MEMO1: variants seen among roughly 807,000 people sequenced by gnomAD.
MEMO1 encodes the protein mediator of cell motility 1, also known as protein MEMO1.
A neutral mutation model predicts 45.2 loss-of-function variants in MEMO1; 6 were observed. The ratio of observed to expected loss-of-function variants is 0.13; its 90% CI spans 0.07 to 0.26. The LOEUF is 0.26. Among genes scored for constraint, MEMO1 ranks in the 10% least tolerant of loss-of-function variants. MEMO1 has a pLI of 1.00. For missense variants in MEMO1, 184 were observed against 370.5 expected (o/e 0.50, Z 4.13); for synonymous variants, 78 against 124.3 (o/e 0.63, Z 2.48).
intron 3 of MEMO1, 98 bp downstream of exon 3, chr2:31,943,204 G>T: frequency 4.7e-6 from 4 of 851,730 alleles, no homozygotes; most frequent in Non-Finnish European, 7.8e-6. Flanking sequence ...GGCGGAGGTT[G>T]CAGTGAGCCG....
At chr2:32,007,404 T>G (rs1458322230) in intron 2 of MEMO1, among the ~76,000 whole-genome samples, 1 of 152,192 alleles carries the variant, frequency 6.6e-6, no homozygotes, top group Non-Finnish European at 1.5e-5. Flanking sequence ...CTAAAAGTTC[T>G]TACTTACTTC....
intron 6 of MEMO1, among the ~76,000 whole-genome samples, chr2:31,903,659 A>G (rs1444121855): frequency 1.3e-5 from 2 of 152,210 alleles, no homozygotes; most frequent in Non-Finnish European, 2.9e-5. Flanking sequence ...TAATACTCAA[A>G]GGGAATCAAC....
At chr2:31,943,138 G>A (rs955897558) in intron 3 of MEMO1, among the ~76,000 whole-genome samples, 164 bp downstream of exon 3, 2 of 152,092 alleles carry the variant, frequency 1.3e-5, no homozygotes, top group Non-Finnish European at 2.9e-5. Flanking sequence ...GGTGGCACAC[G>A]CCTGTAGTCC....
chr2:31,965,248 G>A (rs1040311864), intron 2 of MEMO1, among the ~76,000 whole-genome samples: 3 of 151,102 alleles, frequency 2.0e-5, no homozygotes, highest in African/African-American at 4.9e-5. Flanking sequence ...GGAAGAAAGG[G>A]AGGGAAAAAA....
chr2:31,995,261 G>A (rs941916456), intron 2 of MEMO1, among the ~76,000 whole-genome samples: 2 of 152,012 alleles, frequency 1.3e-5, no homozygotes, highest in East Asian at 3.9e-4. Flanking sequence ...GGACCAGCCT[G>A]GCCAATATGG....
At chr2:31,955,343 A>C (rs1367840919) in intron 2 of MEMO1, among the ~76,000 whole-genome samples, 1 of 152,228 alleles carries the variant, frequency 6.6e-6, no homozygotes, top group Admixed American at 6.5e-5. Context: ...GAAATCATAT[A>C]ATCTATAAAT....
chr2:31,960,977 T>C (rs543734634), intron 2 of MEMO1, among the ~76,000 whole-genome samples: 2 of 152,354 alleles, frequency 1.3e-5, no homozygotes, highest in East Asian at 3.9e-4. Context: ...AAAAGTTTGC[T>C]AAGCAAATAC....
chr2:31,901,562 A>T (rs1678819029), intron 6 of MEMO1, among the ~76,000 whole-genome samples: 1 of 152,042 alleles, frequency 6.6e-6, no homozygotes, highest in Non-Finnish European at 1.5e-5. Context: ...GACTGAGAGT[A>T]AGAACAAGGA....
intron 2 of MEMO1, among the ~76,000 whole-genome samples, chr2:31,972,051 G>A (rs946260493): frequency 5.9e-5 from 9 of 152,150 alleles, no homozygotes; most frequent in Non-Finnish European, 1.3e-4. Flanking sequence ...TATATCAAGC[G>A]CCTTATACTA....
chr2:31,939,234 C>T (rs925820726), intron 3 of MEMO1, among the ~76,000 whole-genome samples: 1 of 151,740 alleles, frequency 6.6e-6, no homozygotes, highest in Non-Finnish European at 1.5e-5. Context: ...TATGAATGCA[C>T]ATTTATATAT....
chr2:31,926,887 A>T (rs1176361327), intron 4 of MEMO1, among the ~76,000 whole-genome samples: 16 of 129,604 alleles, frequency 1.2e-4, no homozygotes, highest in South Asian at 7.0e-4. Context: ...CAAAACAAAA[A>T]GTGATTTTTT....
chr2:31,991,790 T>C lies in MEMO1; in HGVS notation c.61+18397A>G, dbSNP rs375366304. ...GCTGTCAGCAACTAAACGCTCATACTAGAAGAGTAAGCACTGGTCAATCTG... is the reference window on the plus strand; with the variant it reads ...GCTGTCAGCAACTAAACGCTCATACCAGAAGAGTAAGCACTGGTCAATCTG... On this transcript the variant is annotated intron_variant, in intron 2 of 9. Transcript: ENST00000404530. Among the ~76,000 whole-genome samples, 29 of 152,290 alleles carry C rather than the reference T, an allele frequency of 1.9e-4. No homozygotes were observed. In the East Asian group the frequency reaches 2.1e-3, roughly 11 times the overall value.
At chr2:31,907,132 C>G (rs2148083801) in intron 6 of MEMO1, among the ~76,000 whole-genome samples, 1 of 152,228 alleles carries the variant, frequency 6.6e-6, no homozygotes, top group African/African-American at 2.4e-5. Flanking sequence ...CCCATGAAAA[C>G]TGCAGGCACC....
At chr2:31,950,195 A>G (rs1279699330) in intron 2 of MEMO1, among the ~76,000 whole-genome samples, 1 of 152,076 alleles carries the variant, frequency 6.6e-6, no homozygotes, top group African/African-American at 2.4e-5. Flanking sequence ...AGCCTGGCCA[A>G]CATGGCAAAA....
intron 2 of MEMO1, among the ~76,000 whole-genome samples, chr2:31,952,463 C>T (rs935876762): frequency 9.2e-5 from 14 of 152,218 alleles, no homozygotes; most frequent in African/African-American, 3.4e-4. Context: ...ATTTCGTACC[C>T]AAAAGAGCTA....
At chr2:31,886,344 T>TA in intron 7 of MEMO1, among the ~76,000 whole-genome samples, 1 of 152,322 alleles carries the variant, frequency 6.6e-6, no homozygotes, top group African/African-American at 2.4e-5. Flanking sequence ...TCAATATACA[T>TA]ACAGAAGGCA....
intron 2 of MEMO1, among the ~76,000 whole-genome samples, chr2:32,000,383 A>G (rs894732163): frequency 6.6e-6 from 1 of 151,996 alleles, no homozygotes; most frequent in Non-Finnish European, 1.5e-5. Context: ...GGAACCTGCC[A>G]CCACGCCCAG....
At position 32,009,084 on chromosome 2, in the gene MEMO1, T is replaced by C. The variant is rs141820864; in HGVS notation, c.61+1103A>G. 5.9e-4 allele frequency among the ~76,000 whole-genome samples: 90 copies of C among 152,292 alleles called. No homozygotes were observed. In the East Asian group the frequency reaches 8.3e-3, roughly 14 times the overall value. On this transcript the variant is annotated intron_variant, in intron 2 of 9. Transcript: ENST00000404530. ...GTTAACATACCAGAAATGTGACTCC[T>C]GAAAATAATCCCAGAAAACAGGCAT...
At chr2:31,892,234 G>A in intron 6 of MEMO1, 100 bp from the exon 7 acceptor site, 1 of 1,015,350 alleles carries the variant, frequency 9.8e-7, no homozygotes, top group East Asian at 2.4e-5. Flanking sequence ...ATTAATAGTG[G>A]TAAGGATAAC....
Sources: allele counts gnomAD v4.1 joint callset (sites outside exome capture counted in the v4.1 genomes callset), GRCh38; gene constraint gnomAD v4.1.1; transcripts MANE v1.5; gene names NCBI Gene and HGNC (gene_info 2026-07-23, HGNC 2026-07-21).